KIF3A: variants seen among roughly 807,000 people sequenced by gnomAD.
KIF3A encodes kinesin family member 3A, also known as kinesin-like protein KIF3A.
A neutral mutation model predicts 92.6 loss-of-function variants in KIF3A; 27 were observed. That is an observed-to-expected ratio of 0.29 (90% CI 0.21 to 0.40). The LOEUF (loss-of-function observed/expected upper bound fraction) is 0.40, where lower values mean the gene tolerates loss of function less well. KIF3A is among the 10% of genes least tolerant of loss of function. KIF3A has a pLI of 1.00. For synonymous variants in KIF3A, 250 were observed against 275.4 expected (o/e 0.91, Z 0.92); for missense variants, 581 against 872.6 (o/e 0.67, Z 4.21).
At chr5:132,736,990 G>C (rs1008823430) in intron 1 of KIF3A, 2 of 311,866 alleles carry the variant, frequency 6.4e-6, no homozygotes, top group Middle Eastern at 1.1e-3. Flanking sequence ...CCTGGAATAG[G>C]GGCAGGCAGC....
intron 1 of KIF3A, among the ~76,000 whole-genome samples, chr5:132,736,317 G>T (rs1386356078): frequency 3.9e-5 from 6 of 152,080 alleles, no homozygotes; most frequent in Admixed American, 3.9e-4. Flanking sequence ...CTCTTCTTGG[G>T]AGGAAAAAAA....
chr5:132,719,561 G>A (rs1753757260), intron 5 of KIF3A, among the ~76,000 whole-genome samples: 4 of 150,558 alleles, frequency 2.7e-5, no homozygotes, highest in Admixed American at 2.7e-4. Context: ...GCGCGATCTC[G>A]GCTCACTGCA....
At position 132,696,576 on chromosome 5, in the gene KIF3A, A is replaced by C. The variant is rs1752843721; in HGVS notation, c.*58T>G. On this transcript the variant is annotated 3_prime_UTR_variant, in exon 19 of 19. Transcript: ENST00000403231. ...GAAGTCTTCACTGTTTTAATTAAAG[A>C]TTTTGTCCAGGCATGAGAATATCAC... 7.8e-6 allele frequency: 8 copies of C among 1,021,032 alleles called. No homozygotes were observed. The Admixed American group carries it at 1.3e-4, about 17-fold the overall frequency. The allele number at this position is 1,021,032 out of a possible 1,614,324, so 63.2% of individuals were successfully genotyped here. A position where few individuals can be genotyped will look rare whatever the true frequency, so the allele number is the denominator to read the frequency against.
At chr5:132,728,998 G>C (rs1225017613) in intron 2 of KIF3A, among the ~76,000 whole-genome samples, 8 of 152,134 alleles carry the variant, frequency 5.3e-5, no homozygotes, top group Admixed American at 5.2e-4. Flanking sequence ...TGGAACTAGA[G>C]ACTATTATTC....
At chr5:132,728,310 C>T (rs972587857) in intron 2 of KIF3A, among the ~76,000 whole-genome samples, 2 of 152,124 alleles carry the variant, frequency 1.3e-5, no homozygotes, top group African/African-American at 2.4e-5. Flanking sequence ...CAGGAGAATC[C>T]TCCTGCCTGT....
At chr5:132,691,931 TAAATAAAATA>T (rs540318992), downstream of KIF3A, among the ~76,000 whole-genome samples, 59 of 145,522 alleles carry the variant, frequency 4.1e-4, no homozygotes, top group Non-Finnish European at 5.6e-4. Context: ...AATAAAATAA[TAAATAAAATA>T]AAATAAAATA....
intron 10 of KIF3A, among the ~76,000 whole-genome samples, chr5:132,707,063 G>A (rs1753237140): frequency 1.3e-5 from 2 of 151,078 alleles, no homozygotes; most frequent in African/African-American, 2.4e-5. Context: ...TAACAGAAAG[G>A]TCTAATGAAG....
chr5:132,714,016 C>T (rs1451655158), intron 8 of KIF3A, among the ~76,000 whole-genome samples: 1 of 151,030 alleles, frequency 6.6e-6, no homozygotes, highest in Non-Finnish European at 1.5e-5. Flanking sequence ...CCTGCCTCAG[C>T]CTCCCAAGTA....
intron 5 of KIF3A, among the ~76,000 whole-genome samples, chr5:132,718,231 A>G (rs564056610): frequency 6.6e-6 from 1 of 152,328 alleles, no homozygotes; most frequent in Non-Finnish European, 1.5e-5. Flanking sequence ...ACTGTTCTAC[A>G]ATTTGCTTTT....
rs139928256 is a variant in KIF3A, at chr5:132,713,168, A to AAACAACAAC, written c.1130-2120_1130-2112dup. Among the ~76,000 whole-genome samples, 22 of 152,032 alleles carry AAACAACAAC rather than the reference A, an allele frequency of 1.4e-4. No homozygotes were observed. The South Asian group carries it at 2.9e-3, about 20-fold the overall frequency. ...GAGACTCTGTCTCAAAACAAAAAAC[A>AAACAACAAC]AACAACAACAACAACAACAACAACA... On this transcript the variant is annotated intron_variant, in intron 8 of 18. Coordinates refer to ENST00000403231, the MANE Select transcript of KIF3A (RefSeq NM_001300791.2).
At chr5:132,731,470 G>A (rs1206908953) in intron 2 of KIF3A, among the ~76,000 whole-genome samples, 1 of 152,024 alleles carries the variant, frequency 6.6e-6, no homozygotes, top group Non-Finnish European at 1.5e-5. Flanking sequence ...AACTCTCAGC[G>A]AACTAAGAAT....
At chr5:132,692,165 G>T (rs757531860), downstream of KIF3A, among the ~76,000 whole-genome samples, 35 of 152,044 alleles carry the variant, frequency 2.3e-4, no homozygotes, top group Admixed American at 5.9e-4. Flanking sequence ...AACTAACATA[G>T]GAACAGAAAA....
chr5:132,699,356 G>A (rs945336879), intron 17 of KIF3A, 61 bp from the exon 18 acceptor site: 1 of 1,559,864 alleles, frequency 6.4e-7, no homozygotes, highest in Non-Finnish European at 8.7e-7. Context: ...CAGATTTGGG[G>A]GAAGATTTAA....
intron 11 of KIF3A, among the ~76,000 whole-genome samples, chr5:132,705,641 G>C (rs1753185701): frequency 6.6e-6 from 1 of 151,930 alleles, no homozygotes; most frequent in South Asian, 2.1e-4. Flanking sequence ...TCTTATTGTG[G>C]TCTTGTAACA....
downstream of KIF3A, among the ~76,000 whole-genome samples, chr5:132,690,457 G>A (rs1054545121): frequency 6.6e-6 from 1 of 152,050 alleles, no homozygotes; most frequent in Non-Finnish European, 1.5e-5. Context: ...TTATAGCACT[G>A]TAGAATGACT....
chr5:132,724,182 C>T (rs947677205), intron 4 of KIF3A, among the ~76,000 whole-genome samples: 38 of 152,194 alleles, frequency 2.5e-4, no homozygotes, highest in African/African-American at 9.2e-4. Flanking sequence ...AACAGGAACA[C>T]TTTTACACCA....
intron 2 of KIF3A, among the ~76,000 whole-genome samples, chr5:132,730,614 C>A (rs1754196048): frequency 6.6e-6 from 1 of 151,316 alleles, no homozygotes; most frequent in African/African-American, 2.4e-5. Flanking sequence ...TAGTGAGACC[C>A]TTATCTCTAC....
In KIF3A at chr5:132,715,910, C is replaced by T; in HGVS notation, c.976G>A (p.Asp326Asn). 1 of 1,594,336 alleles carries T rather than the reference C, an allele frequency of 6.3e-7. No homozygotes were observed. Among genetic ancestry groups the T allele is most frequent in the Non-Finnish European group, 8.5e-7 (1 of 1,171,900 alleles). ...CTGATAGTTTCATCATAATTGTAAT[C>T]TGCTGGCCCAATATTTGCACACTAT... ...TMMCANIGPA[D>N]YNYDETISTL... is the part of the protein sequence containing the mutation. The change falls in exon 8 of 19, where the codon GAT (aspartate) becomes AAT (asparagine). Residue 326 changes from aspartate to asparagine, a missense_variant. This residue lies in a region of KIF3A where 40 missense variants were observed against 107.0 expected (regional missense o/e 0.37). Transcript: ENST00000403231.
At chr5:132,702,505 C>A in intron 14 of KIF3A, 53 bp downstream of exon 14, 2 of 982,670 alleles carry the variant, frequency 2.0e-6, no homozygotes, top group African/African-American at 1.6e-5. Context: ...TCAAAGAACT[C>A]CCTTTTAAAA....
Sources: allele counts gnomAD v4.1 joint callset (sites outside exome capture counted in the v4.1 genomes callset), GRCh38; gene constraint gnomAD v4.1.1; regional missense constraint gnomAD v4.1.1; transcripts MANE v1.5; gene names NCBI Gene and HGNC (gene_info 2026-07-23, HGNC 2026-07-21).